The following RUNX2 variants were observed in gnomAD, a reference collection of about 807,000 sequenced individuals.
RUNX2 encodes the protein RUNX family transcription factor 2.
In RUNX2, 10 loss-of-function variants were observed where a neutral mutation model predicts 51.7. The ratio of observed to expected loss-of-function variants is 0.19; its 90% confidence interval spans 0.12 to 0.33. RUNX2 has a LOEUF of 0.33. Among genes scored for constraint, RUNX2 ranks in the 10% least tolerant of loss-of-function variants. The probability of loss-of-function intolerance (pLI) is 1.00; values close to 1 mark genes in which losing one functional copy is unlikely to be tolerated. For synonymous variants in RUNX2, 276 were observed against 273.6 expected (o/e 1.01, Z -0.09); for missense variants, 562 against 691.3 (o/e 0.81, Z 2.10).
chr6:45,400,145 GGGAA>G (rs1297568072), intron 2 of RUNX2, among the ~76,000 whole-genome samples: 9 of 133,328 alleles, frequency 6.8e-5, no homozygotes, highest in African/African-American at 2.5e-4. Context: ...GAGGGAGGGA[GGGAA>G]GGAAGGAAAG....
intron 2 of RUNX2, among the ~76,000 whole-genome samples, chr6:45,388,421 A>G (rs966119317): frequency 2.6e-5 from 4 of 152,202 alleles, no homozygotes; most frequent in African/African-American, 9.6e-5. Context: ...CAGTGGCTTT[A>G]AAAGTGTACT....
At chr6:45,332,524 T>C (rs747694379) in intron 2 of RUNX2, among the ~76,000 whole-genome samples, 1 of 151,760 alleles carries the variant, frequency 6.6e-6, no homozygotes, top group Non-Finnish European at 1.5e-5. Context: ...ATACCAATCT[T>C]CCATACTGTT....
intron 5 of RUNX2, among the ~76,000 whole-genome samples, chr6:45,464,275 G>A (rs545152818): frequency 1.3e-5 from 2 of 152,262 alleles, no homozygotes; most frequent in South Asian, 4.1e-4. Flanking sequence ...ATCAGGGACT[G>A]TGTCTTTTCA....
At chr6:45,444,545 A>C (rs970967851) in intron 5 of RUNX2, among the ~76,000 whole-genome samples, 6 of 152,180 alleles carry the variant, frequency 3.9e-5, no homozygotes, top group Non-Finnish European at 7.3e-5. Context: ...AGTATAGGGT[A>C]CTGTTGGTAT....
At chr6:45,377,417 T>C (rs1164438172) in intron 2 of RUNX2, 1 of 151,940 alleles carries the variant, frequency 6.6e-6, no homozygotes, top group Non-Finnish European at 1.5e-5. Flanking sequence ...CCCTCTTTAA[T>C]GATTCCTCCG....
At chr6:45,376,910 T>C (rs140230433) in intron 2 of RUNX2, among the ~76,000 whole-genome samples, 2,787 of 152,296 alleles carry the variant, frequency 0.018, 48 homozygotes, top group South Asian at 0.084. Context: ...TACATATATA[T>C]ACACACACAT....
intron 2 of RUNX2, among the ~76,000 whole-genome samples, chr6:45,400,707 G>A (rs527452408): frequency 1.5e-4 from 23 of 152,112 alleles, no homozygotes; most frequent in African/African-American, 2.7e-4. Context: ...GAACCCAGCC[G>A]TTTTCCTTGA....
In RUNX2 at chr6:45,422,870, A is replaced by T; in HGVS notation, c.336A>T (p.Glu112Asp). Residue 112 changes from glutamate to aspartate, a missense_variant, in exon 3 of 9, where the codon GAA becomes GAT. By Grantham distance (45) the Glu-to-Asp change is conservative. Around this residue, in one of 5 missense-constraint regions of RUNX2, gnomAD observed 67 missense variants for 106.5 expected, o/e 0.63. Transcript: ENST00000647337. ...MVEIIADHPA[E>D]LVRTDSPNFL... is the part of the protein sequence containing the mutation. ...AGATCATCGCCGACCACCCGGCCGA[A>T]CTCGTCCGCACCGACAGCCCCAACT... 6.2e-7 allele frequency: 1 copy of T among 1,611,928 alleles called. No individual in the cohort carries two copies. The highest frequency in any genetic ancestry group is 8.5e-7 in the Non-Finnish European group (1 of 1,179,454).
chr6:45,447,035 T>G (rs1799020124), intron 5 of RUNX2, among the ~76,000 whole-genome samples: 2 of 152,364 alleles, frequency 1.3e-5, no homozygotes, highest in South Asian at 4.1e-4. Flanking sequence ...AATTTAGGTT[T>G]AAGGCTTAAA....
chr6:45,539,910 G>T (rs1802164340), intron 7 of RUNX2, among the ~76,000 whole-genome samples: 1 of 152,182 alleles, frequency 6.6e-6, no homozygotes, highest in Non-Finnish European at 1.5e-5. Context: ...GCAGCAGTAA[G>T]ATTTATCTAC....
At chr6:45,519,001 G>C (rs1024149759) in intron 7 of RUNX2, among the ~76,000 whole-genome samples, 4 of 152,104 alleles carry the variant, frequency 2.6e-5, no homozygotes, top group African/African-American at 9.7e-5. Context: ...AATTTATTGT[G>C]CCTCAGTGGT....
chr6:45,435,434 T>C (rs1798655318), intron 4 of RUNX2, among the ~76,000 whole-genome samples: 1 of 152,212 alleles, frequency 6.6e-6, no homozygotes, highest in Non-Finnish European at 1.5e-5. Flanking sequence ...CTCGGCTCAC[T>C]ATAACCTCCG....
At position 45,505,376 on chromosome 6, in the gene RUNX2, T is replaced by C. The variant is rs558171362; in HGVS notation, c.860-6870T>C. Reference sequence around the variant, plus strand: ...CTGGGATGCCTTTTTTTTTTTTTTTTCTTTTCTGCCTTCCTCCCTTCTCAA... The same window carrying C: ...CTGGGATGCCTTTTTTTTTTTTTTTCCTTTTCTGCCTTCCTCCCTTCTCAA... On this transcript the variant is annotated intron_variant, in intron 6 of 8. Coordinates refer to ENST00000647337, the MANE Select transcript of RUNX2 (RefSeq NM_001024630.4). Among the ~76,000 whole-genome samples, 6 of 151,628 alleles carry C rather than the reference T, an allele frequency of 4.0e-5. No homozygotes were observed. The East Asian group carries it at 5.8e-4, about 15-fold the overall frequency.
chr6:45,375,973 AT>A (rs1333245902), intron 2 of RUNX2, among the ~76,000 whole-genome samples: 1 of 152,212 alleles, frequency 6.6e-6, no homozygotes, highest in Non-Finnish European at 1.5e-5. Context: ...AATTTTTCAA[AT>A]CGCTTTATTA....
In RUNX2 at chr6:45,496,696, C is replaced by T. The variant is rs558622034; in HGVS notation, c.859+4582C>T. Among the ~76,000 whole-genome samples the T allele has an allele frequency of 2.6e-5, 4 of 152,134 alleles. No homozygotes were observed. In the South Asian group the frequency reaches 8.3e-4, roughly 32 times the overall value. ...TTTAGTTCTGATTGTAGTGGGCTAC[C>T]AGTGTAGTGGGGGATGTGAAGCAAG... On this transcript the variant is annotated intron_variant, in intron 6 of 8. Coordinates refer to ENST00000647337, the MANE Select transcript of RUNX2 (RefSeq NM_001024630.4).
At chr6:45,359,989 CTG>C (rs1408257401) in intron 2 of RUNX2, among the ~76,000 whole-genome samples, 2 of 152,286 alleles carry the variant, frequency 1.3e-5, no homozygotes, top group East Asian at 3.9e-4. Flanking sequence ...GAGCAATCAA[CTG>C]AAAAAACATT....
At position 45,501,609 on chromosome 6, in the gene RUNX2, A is replaced by G. The variant is rs577542166; in HGVS notation, c.859+9495A>G. 6.6e-5 allele frequency among the ~76,000 whole-genome samples: 10 copies of G among 152,336 alleles called. No individual in the cohort carries two copies. The East Asian group carries it at 1.9e-3, about 29-fold the overall frequency. ...ACTGACCACAATCTATATATTAATGACCACTTTCTGGCAGGCTTTTTAACT... is the reference window on the plus strand; with the variant it reads ...ACTGACCACAATCTATATATTAATGGCCACTTTCTGGCAGGCTTTTTAACT... On this transcript the variant is annotated intron_variant, in intron 6 of 8. Coordinates refer to ENST00000647337, the MANE Select transcript of RUNX2 (RefSeq NM_001024630.4).
chr6:45,419,461 C>T (rs1296720564), intron 2 of RUNX2, among the ~76,000 whole-genome samples: 1 of 151,952 alleles, frequency 6.6e-6, no homozygotes, highest in Non-Finnish European at 1.5e-5. Context: ...AAAGCCATGA[C>T]TCTATGAGTG....
At chr6:45,334,449 CA>C (rs551014969) in intron 2 of RUNX2, among the ~76,000 whole-genome samples, 22,187 of 92,072 alleles carry the variant, frequency 0.24, 1,263 homozygotes, top group Non-Finnish European at 0.28. Context: ...TCAGGAAAAG[CA>C]AAAAAAAAAA....
Sources: allele counts gnomAD v4.1 joint callset (sites outside exome capture counted in the v4.1 genomes callset), GRCh38; gene constraint gnomAD v4.1.1; regional missense constraint gnomAD v4.1.1; transcripts MANE v1.5; gene names NCBI Gene and HGNC (gene_info 2026-07-23, HGNC 2026-07-21).